The following SCARA5 variants were observed in gnomAD, a reference collection of about 807,000 sequenced individuals.
The protein encoded by SCARA5 is scavenger receptor class A member 5.
Under a neutral mutation model 46.3 loss-of-function variants are expected in SCARA5, and 45 were observed. The observed-to-expected ratio is 0.97, with a 90% CI of 0.76 to 1.24. The LOEUF (loss-of-function observed/expected upper bound fraction) is 1.24, where lower values mean the gene tolerates loss of function less well. Among genes scored for constraint, SCARA5 ranks in the 50% most tolerant of loss-of-function variants. The probability of loss-of-function intolerance (pLI) is 0.00; values close to 1 mark genes in which losing one functional copy is unlikely to be tolerated. For missense variants in SCARA5, 680 were observed against 689.0 expected (o/e 0.99, Z 0.15); for synonymous variants, 333 against 306.5 (o/e 1.09, Z -0.90).
intron 3 of SCARA5, among the ~76,000 whole-genome samples, chr8:27,958,296 TCCTCCC>T (rs901077737): frequency 6.6e-6 from 1 of 152,164 alleles, no homozygotes; most frequent in Non-Finnish European, 1.5e-5. Flanking sequence ...TGATCCCTCC[TCCTCCC>T]CCTCTTCCGG....
intron 7 of SCARA5, among the ~76,000 whole-genome samples, chr8:27,901,832 A>G (rs752678035): frequency 7.9e-5 from 12 of 152,218 alleles, no homozygotes; most frequent in Non-Finnish European, 1.2e-4. Context: ...ACCCAAGACC[A>G]GGGGCCGAAG....
chr8:27,965,308 G>A (rs768700708), intron 3 of SCARA5, among the ~76,000 whole-genome samples: 5 of 152,188 alleles, frequency 3.3e-5, no homozygotes, highest in Non-Finnish European at 7.3e-5. Flanking sequence ...CTATCTGTAA[G>A]GGCTGGACCT....
At chr8:27,891,440 G>A (rs1251005416) in intron 7 of SCARA5, among the ~76,000 whole-genome samples, 3 of 152,068 alleles carry the variant, frequency 2.0e-5, no homozygotes, top group South Asian at 2.1e-4. Flanking sequence ...TCTTGACCTC[G>A]TGATCTGCCC....
rs143338146 is a variant in SCARA5 at position 27,927,776 on chromosome 8, C to T, written c.242-5531G>A. Among the ~76,000 whole-genome samples, 258 of 152,044 alleles carry T rather than the reference C, an allele frequency of 1.7e-3. 3 individuals are homozygous for T. Among genetic ancestry groups the T allele is most frequent in the Admixed American group, 0.014 (209 of 15,282 alleles). On this transcript the variant is annotated intron_variant, in intron 3 of 8. Transcript: ENST00000354914. ...TTTTATGACTCTTAAAAATTCCAGCCGAACTACTTCTCAAAAAAAGTTATA... is the reference window on the plus strand; with the variant it reads ...TTTTATGACTCTTAAAAATTCCAGCTGAACTACTTCTCAAAAAAAGTTATA...
chr8:27,947,147 G>A (rs2129888161), intron 3 of SCARA5, among the ~76,000 whole-genome samples: 2 of 152,168 alleles, frequency 1.3e-5, no homozygotes, highest in Middle Eastern at 6.8e-3. Context: ...GAGGAGCTGG[G>A]ACTATAGGTA....
chr8:27,891,359 C>A (rs1310455809), intron 7 of SCARA5, among the ~76,000 whole-genome samples: 4 of 152,094 alleles, frequency 2.6e-5, no homozygotes, highest in African/African-American at 9.7e-5. Context: ...GTGTGCACCA[C>A]CATGCCCGGC....
chr8:27,977,654 T>C (rs1808546708), intron 2 of SCARA5, among the ~76,000 whole-genome samples: 1 of 152,228 alleles, frequency 6.6e-6, no homozygotes, highest in African/African-American at 2.4e-5. Context: ...CCCCCAGCAC[T>C]TGTGTTCACT....
At chr8:27,965,214 A>G (rs1173886582) in intron 3 of SCARA5, among the ~76,000 whole-genome samples, 1 of 152,118 alleles carries the variant, frequency 6.6e-6, no homozygotes, top group Non-Finnish European at 1.5e-5. Context: ...ACATCACCCA[A>G]CTGACTAGTC....
intron 3 of SCARA5, 47 bp from the exon 4 acceptor site, chr8:27,922,292 G>A (rs1563527424): frequency 3.5e-6 from 5 of 1,423,464 alleles, no homozygotes; most frequent in South Asian, 1.5e-5. Context: ...GGGGAGGAAG[G>A]CCCCGGGTGA....
At chr8:27,934,257 G>A (rs1390698259) in intron 3 of SCARA5, among the ~76,000 whole-genome samples, 1 of 152,142 alleles carries the variant, frequency 6.6e-6, no homozygotes, top group African/African-American at 2.4e-5. Context: ...AAGAAAGGAA[G>A]GGCTAGGAGA....
chr8:27,989,921 C>T (rs953939925), intron 1 of SCARA5, among the ~76,000 whole-genome samples: 3 of 152,256 alleles, frequency 2.0e-5, no homozygotes, highest in Admixed American at 1.3e-4. Context: ...TCACTCCTTG[C>T]GGGGCTGTGA....
chr8:27,921,946 C>G lies in SCARA5; in HGVS notation c.541G>C (p.Ala181Pro). Reference protein sequence around the residue: ...RDRTGQQSDTAQLELYQLQVE... With the variant: ...RDRTGQQSDTPQLELYQLQVE... ...TGCAGCTGGTAGAGCTCCAGCTGCG[C>G]CGTGTCGCTCTGCTGGCCCGTGCGG... is the stretch of plus-strand genomic sequence containing the variant. Residue 181 changes from alanine (A) to proline (P), a missense_variant, in exon 4 of 9, where the codon GCG (alanine) becomes CCG (proline). By Grantham distance (27) the Ala-to-Pro change is conservative. This residue lies in a region of SCARA5 where 438 missense variants were observed against 384.5 expected (regional missense o/e 1.14). Coordinates refer to ENST00000354914, the MANE Select transcript of SCARA5 (RefSeq NM_173833.6). The G allele has an allele frequency of 6.5e-7, 1 of 1,542,228 alleles. No individual in the cohort carries two copies.
intron 3 of SCARA5, among the ~76,000 whole-genome samples, chr8:27,937,359 G>A (rs902534803): frequency 1.2e-4 from 18 of 152,120 alleles, no homozygotes; most frequent in Non-Finnish European, 2.9e-5. Flanking sequence ...GGGAAGTCCC[G>A]ATCCCCGGGG....
intron 4 of SCARA5, among the ~76,000 whole-genome samples, chr8:27,919,264 A>C (rs1437946275): frequency 7.1e-6 from 1 of 139,912 alleles, no homozygotes; most frequent in African/African-American, 3.3e-5. Flanking sequence ...AAAGAGGAGA[A>C]GGAAGAGAAG....
At chr8:27,927,208 C>T (rs557603440) in intron 3 of SCARA5, among the ~76,000 whole-genome samples, 2 of 152,294 alleles carry the variant, frequency 1.3e-5, no homozygotes, top group African/African-American at 4.8e-5. Context: ...TGGGAGGTCC[C>T]AAGGCCTGCT....
At chr8:27,912,547 C>A (rs1382989982) in intron 4 of SCARA5, among the ~76,000 whole-genome samples, 1 of 152,240 alleles carries the variant, frequency 6.6e-6, no homozygotes, top group Admixed American at 6.5e-5. Context: ...GAAGCAAATG[C>A]GTTCCACTAC....
Position 27,907,204 on chromosome 8 carries a change from T to C in SCARA5, c.1040A>G (p.Lys347Arg), listed in dbSNP as rs570730114. The C allele has an allele frequency of 1.1e-4, 173 of 1,613,584 alleles. No homozygotes were observed. In the South Asian group the frequency reaches 1.7e-3, roughly 16 times the overall value. ...ERGTPGLPGP[K>R]GDDGKLGATG... Reference sequence around the variant, plus strand: ...GGCCCCCAGCTTCCCATCATCGCCCTTGGGCCCGGGCAATCCTGGGGTACC... The same window carrying C: ...GGCCCCCAGCTTCCCATCATCGCCCCTGGGCCCGGGCAATCCTGGGGTACC... Residue 347 changes from lysine (K) to arginine (R), a missense_variant, in exon 6 of 9, where the codon AAG becomes AGG. Lys to Arg is a conservative substitution (Grantham distance 26). Around this residue, in one of 3 missense-constraint regions of SCARA5, gnomAD observed 219 missense variants for 269.5 expected, o/e 0.81. Coordinates refer to ENST00000354914, the MANE Select transcript of SCARA5 (RefSeq NM_173833.6).
intron 3 of SCARA5, among the ~76,000 whole-genome samples, chr8:27,938,568 C>G (rs1807892413): frequency 6.6e-6 from 1 of 152,188 alleles, no homozygotes; most frequent in South Asian, 2.1e-4. Context: ...TGTTCACTGA[C>G]TTTCCCAGAC....
chr8:27,976,923 C>G (rs935078229), intron 2 of SCARA5, among the ~76,000 whole-genome samples: 1 of 152,242 alleles, frequency 6.6e-6, no homozygotes, highest in Admixed American at 6.5e-5. Flanking sequence ...CCAGCAGGAT[C>G]GCTTGAGCCC....
Sources: allele counts gnomAD v4.1 joint callset (sites outside exome capture counted in the v4.1 genomes callset), GRCh38; gene constraint gnomAD v4.1.1; regional missense constraint gnomAD v4.1.1; transcripts MANE v1.5; gene names NCBI Gene and HGNC (gene_info 2026-07-23, HGNC 2026-07-21).